Variants in IL1RAPL2 observed in about 807,000 individuals in gnomAD.
IL1RAPL2 encodes the protein X-linked interleukin-1 receptor accessory protein-like 2.
IL1RAPL2 carries 3 observed loss-of-function variants against 44.1 expected under a neutral mutation model. That is an observed-to-expected ratio of 0.07 (90% confidence interval 0.03 to 0.18). The LOEUF is 0.18. Ranked by LOEUF, IL1RAPL2 falls within the 10% of genes least tolerant of loss-of-function variation. The pLI is 1.00. For synonymous variants in IL1RAPL2, 181 were observed against 178.8 expected, an observed-to-expected ratio of 1.01 and a Z score of -0.10; for missense variants, 391 against 496.4, an observed-to-expected ratio of 0.79 and a Z score of 2.02.
Position 105,755,205 on chromosome X carries a change from T to C in IL1RAPL2, c.1221T>C (p.Ser407=). ...DDNKEYDAYL[S]YTKVDQDTLD... ...ACAAGGAATATGATGCCTATCTCTC[T>C]TACACAAAAGTGGACCAAGATACTT... Residue 407 remains serine, a synonymous_variant, in exon 10 of 11, where the codon TCT becomes TCC. Transcript: ENST00000372582. 8.3e-7 allele frequency: 1 copy of C among 1,200,558 alleles called. No individual in the cohort carries two copies. The highest frequency in any genetic ancestry group is 1.1e-6 in the Non-Finnish European group (1 of 888,206).
intron 5 of IL1RAPL2, among the ~76,000 whole-genome samples, chrX:105,332,536 A>G (rs1224299040): frequency 8.9e-6 from 1 of 111,868 alleles, no homozygotes; most frequent in African/African-American, 3.2e-5. Flanking sequence ...GACAAGAGAA[A>G]CATATAAAGG....
chrX:105,358,029 C>T (rs1444231787), intron 5 of IL1RAPL2, among the ~76,000 whole-genome samples: 1 of 74,803 alleles, frequency 1.3e-5, no homozygotes, highest in Non-Finnish European at 2.3e-5. Context: ...AGAGCAATAT[C>T]CTATTTCTAA....
intron 2 of IL1RAPL2, among the ~76,000 whole-genome samples, chrX:104,945,613 G>A (rs1465357493): frequency 1.8e-5 from 2 of 111,516 alleles, no homozygotes; most frequent in Non-Finnish European, 3.8e-5. Flanking sequence ...TTTACAAATG[G>A]GTACCAGTTA....
At chrX:105,666,813 C>T (rs780397831) in intron 6 of IL1RAPL2, among the ~76,000 whole-genome samples, 3 of 111,413 alleles carry the variant, frequency 2.7e-5, no homozygotes, top group Admixed American at 9.5e-5. Flanking sequence ...CCACAAGGGT[C>T]GCATTCCATT....
chrX:105,660,409 C>G (rs1394432422), intron 6 of IL1RAPL2, among the ~76,000 whole-genome samples: 1 of 111,001 alleles, frequency 9.0e-6, no homozygotes, highest in Non-Finnish European at 1.9e-5. Flanking sequence ...AGGACATTAA[C>G]AAGCAATAAA....
chrX:105,149,283 T>G (rs7053198), intron 2 of IL1RAPL2, among the ~76,000 whole-genome samples: 154 of 111,117 alleles, frequency 1.4e-3, no homozygotes, highest in African/African-American at 4.7e-3. Flanking sequence ...CTAGAAAGAG[T>G]AACATAATAA....
At chrX:104,914,289 G>A (rs989165093) in intron 2 of IL1RAPL2, among the ~76,000 whole-genome samples, 1 of 111,833 alleles carries the variant, frequency 8.9e-6, no homozygotes, top group Non-Finnish European at 1.9e-5. Context: ...GTTAGAAAGG[G>A]TTACGCAGAA....
At chrX:105,338,597 A>G (rs894324101) in intron 5 of IL1RAPL2, among the ~76,000 whole-genome samples, 3 of 112,027 alleles carry the variant, frequency 2.7e-5, no homozygotes, top group Non-Finnish European at 5.6e-5. Context: ...ATAGCATTGC[A>G]TATAGGCTAG....
intron 2 of IL1RAPL2, among the ~76,000 whole-genome samples, chrX:104,761,899 CCTTCTCCTTCTCCTTCTCCTTCTCCTT>C (rs1932448686): frequency 2.4e-4 from 12 of 50,720 alleles, no homozygotes; most frequent in South Asian, 1.0e-3. Flanking sequence ...TTCTCCTTCT[CCTTCTCCTTCTCCTTCTCCTTCTCCTT>C]CTTCTTCTTC....
chrX:105,016,639 T>C (rs996401594), intron 2 of IL1RAPL2, among the ~76,000 whole-genome samples: 9 of 111,943 alleles, frequency 8.0e-5, no homozygotes, highest in African/African-American at 2.9e-4. Flanking sequence ...TATGTTGAAC[T>C]AGCCTTACAT....
intron 2 of IL1RAPL2, among the ~76,000 whole-genome samples, chrX:105,148,401 A>G (rs1418058076): frequency 3.6e-5 from 4 of 111,943 alleles, no homozygotes; most frequent in Non-Finnish European, 5.6e-5. Flanking sequence ...GTACTTTACT[A>G]GTTGGATTTT....
intron 5 of IL1RAPL2, among the ~76,000 whole-genome samples, chrX:105,447,875 CATATAAAT>C (rs1038219609): frequency 5.0e-5 from 4 of 79,721 alleles, no homozygotes; most frequent in African/African-American, 9.7e-5. Flanking sequence ...ATATATTATA[CATATAAAT>C]ATATAAATAT....
intron 7 of IL1RAPL2, among the ~76,000 whole-genome samples, chrX:105,721,856 A>C (rs1267744355): frequency 8.9e-6 from 1 of 112,231 alleles, no homozygotes; most frequent in African/African-American, 3.2e-5. Flanking sequence ...TGAAAATTTC[A>C]CAAGACCCTA....
intron 2 of IL1RAPL2, among the ~76,000 whole-genome samples, chrX:105,064,714 A>T: frequency 8.9e-6 from 1 of 112,351 alleles, no homozygotes; most frequent in Non-Finnish European, 1.9e-5. Context: ...TTTATCATTA[A>T]ATGGAAATGG....
At chrX:105,195,419 A>G in intron 2 of IL1RAPL2, 56 bp from the exon 3 acceptor site, 4 of 1,117,017 alleles carry the variant, frequency 3.6e-6, no homozygotes, top group East Asian at 6.0e-5. Flanking sequence ...TACTGCTCAC[A>G]CTATTAGTGT....
chrX:105,014,942 G>A (rs1168202621), intron 2 of IL1RAPL2, among the ~76,000 whole-genome samples: 5 of 112,007 alleles, frequency 4.5e-5, no homozygotes, highest in African/African-American at 1.6e-4. Flanking sequence ...TAGTGTAAAA[G>A]CCTTCCTATT....
chrX:104,976,346 C>CT (rs1415969824), intron 2 of IL1RAPL2, among the ~76,000 whole-genome samples: 1 of 111,398 alleles, frequency 9.0e-6, no homozygotes, highest in African/African-American at 3.3e-5. Context: ...TTATTTCTCC[C>CT]TTTTAGATTT....
At chrX:105,133,697 C>A (rs1267789086) in intron 2 of IL1RAPL2, among the ~76,000 whole-genome samples, 2 of 111,804 alleles carry the variant, frequency 1.8e-5, no homozygotes, top group African/African-American at 6.5e-5. Flanking sequence ...AAGGCACCAG[C>A]AGATTTGGTG....
chrX:105,453,947 G>A (rs2036037505), intron 5 of IL1RAPL2, among the ~76,000 whole-genome samples: 1 of 111,828 alleles, frequency 8.9e-6, no homozygotes, highest in African/African-American at 3.3e-5. Flanking sequence ...CACAAAGGAG[G>A]ACCAGAACAA....
Sources: gnomAD v4.1 joint callset for allele counts (sites outside exome capture counted in the v4.1 genomes callset) on GRCh38, gnomAD v4.1.1 for gene constraint, MANE v1.5 for transcripts, NCBI Gene and HGNC (gene_info 2026-07-23, HGNC 2026-07-21) for gene names.